Variants in CFAP95 observed in about 807,000 individuals in gnomAD.
The protein encoded by CFAP95 is cilia- and flagella-associated protein 95.
At chr9:69,889,863 A>C in the CFAP95 span, among the ~76,000 whole-genome samples, 1 of 152,136 alleles carries the variant, frequency 6.6e-6, no homozygotes, top group Non-Finnish European at 1.5e-5. Context: ...ATCTTCATTT[A>C]AGGGTAAAAA....
the CFAP95 span, among the ~76,000 whole-genome samples, chr9:69,834,300 G>A: frequency 6.6e-6 from 1 of 152,190 alleles, no homozygotes; most frequent in Non-Finnish European, 1.5e-5. Context: ...AAACTCAGAA[G>A]TATCCTAGGG....
the CFAP95 span, among the ~76,000 whole-genome samples, chr9:69,827,468 G>A: frequency 3.2e-4 from 49 of 152,302 alleles, no homozygotes; most frequent in Non-Finnish European, 5.3e-4. Flanking sequence ...TTAACAGCTT[G>A]TTTTAGGTTA....
At chr9:69,840,645 G>A in the CFAP95 span, among the ~76,000 whole-genome samples, 1 of 152,064 alleles carries the variant, frequency 6.6e-6, no homozygotes. Flanking sequence ...ATTATACAGA[G>A]AGCATATAGT....
At chr9:69,887,003 T>C in the CFAP95 span, 5 of 761,804 alleles carry the variant, frequency 6.6e-6, no homozygotes, top group Non-Finnish European at 1.1e-5. Context: ...AAGCTTATGA[T>C]ATTTTACATT....
chr9:69,899,347 C>A, the CFAP95 span, among the ~76,000 whole-genome samples: 1 of 152,240 alleles, frequency 6.6e-6, no homozygotes, highest in African/African-American at 2.4e-5. Context: ...GGAAATTTAT[C>A]TAACTGATAT....
the CFAP95 span, among the ~76,000 whole-genome samples, chr9:69,860,747 T>C: frequency 3.3e-5 from 5 of 152,156 alleles, no homozygotes; most frequent in Non-Finnish European, 4.4e-5. Context: ...TTTTTACTTT[T>C]AAAACTTTTT....
chr9:69,904,968 A>G, the CFAP95 span, among the ~76,000 whole-genome samples: 1 of 152,186 alleles, frequency 6.6e-6, no homozygotes, highest in Non-Finnish European at 1.5e-5. Flanking sequence ...TTAGTCGCTT[A>G]TTACTGACTT....
the CFAP95 span, among the ~76,000 whole-genome samples, chr9:69,849,470 AG>A: frequency 6.6e-6 from 1 of 152,178 alleles, no homozygotes; most frequent in Non-Finnish European, 1.5e-5. Flanking sequence ...GCTAAGTGCT[AG>A]GGTGAGAAAC....
chr9:69,850,082 T>C, the CFAP95 span, among the ~76,000 whole-genome samples: 32 of 152,302 alleles, frequency 2.1e-4, no homozygotes, highest in African/African-American at 7.2e-4. Flanking sequence ...GTGAGGCTGA[T>C]ACTAAAGTGA....
At chr9:69,889,360 A>G in the CFAP95 span, among the ~76,000 whole-genome samples, 2 of 152,202 alleles carry the variant, frequency 1.3e-5, no homozygotes, top group African/African-American at 2.4e-5. Flanking sequence ...CAAGATTTAT[A>G]ACTTCCCCAA....
the CFAP95 span, among the ~76,000 whole-genome samples, chr9:69,866,878 C>T: frequency 1.3e-5 from 2 of 152,118 alleles, no homozygotes; most frequent in Admixed American, 6.6e-5. Context: ...ACATTTTTGC[C>T]CTGTGAGGCA....
At chr9:69,885,266 G>A in the CFAP95 span, 2 of 152,148 alleles carry the variant, frequency 1.3e-5, no homozygotes, top group Admixed American at 1.3e-4. Context: ...ACTCAGAGGA[G>A]TTTCTTTGGC....
chr9:69,872,422 G>A, the CFAP95 span, among the ~76,000 whole-genome samples: 1 of 152,140 alleles, frequency 6.6e-6, no homozygotes, highest in Non-Finnish European at 1.5e-5. Context: ...AAATATTTAT[G>A]AGGCTGATAC....
chr9:69,844,460 A>C, the CFAP95 span: 4 of 1,079,882 alleles, frequency 3.7e-6, no homozygotes, highest in African/African-American at 1.6e-5. Flanking sequence ...AAAAATCTGA[A>C]TGCAATACAG....
At chr9:69,875,076 C>T in the CFAP95 span, among the ~76,000 whole-genome samples, 1 of 152,140 alleles carries the variant, frequency 6.6e-6, no homozygotes, top group Non-Finnish European at 1.5e-5. Context: ...GTTCTTTTTG[C>T]TACAGCTAAT....
chr9:69,879,278 T>C, the CFAP95 span, among the ~76,000 whole-genome samples: 6 of 152,214 alleles, frequency 3.9e-5, no homozygotes, highest in African/African-American at 1.4e-4. Context: ...TAGGATGTTA[T>C]TATAAGAATT....
chr9:69,884,136 G>A, the CFAP95 span, among the ~76,000 whole-genome samples: 1 of 151,884 alleles, frequency 6.6e-6, no homozygotes, highest in African/African-American at 2.4e-5. Context: ...CCTTCTTAAT[G>A]TTTTCATTAA....
chr9:69,857,772 C>T, the CFAP95 span: 23 of 651,068 alleles, frequency 3.5e-5, no homozygotes, highest in East Asian at 3.8e-4. Flanking sequence ...AGGCAATCCT[C>T]CCGTCTCGGC....
the CFAP95 span, among the ~76,000 whole-genome samples, chr9:69,855,294 T>C: frequency 1.3e-5 from 2 of 152,248 alleles, no homozygotes; most frequent in African/African-American, 4.8e-5. Context: ...GTTGATTTGC[T>C]GAAATGTTTT....
Sources: gnomAD v4.1 joint callset for allele counts (sites outside exome capture counted in the v4.1 genomes callset) on GRCh38, gnomAD v4.1.1 for gene constraint, MANE v1.5 for transcripts, NCBI Gene and HGNC (gene_info 2026-07-23, HGNC 2026-07-21) for gene names.